The following VAPA variants were observed in gnomAD, a reference collection of about 807,000 sequenced individuals.
VAPA encodes VAMP associated protein A.
Under a neutral mutation model 25.6 loss-of-function variants are expected in VAPA, and 6 were observed. The observed-to-expected ratio is 0.23, with a 90% CI of 0.13 to 0.46. VAPA has a LOEUF of 0.46. VAPA is among the 20% of genes least tolerant of loss of function. VAPA has a pLI of 0.99. For synonymous variants in VAPA, 112 were observed against 106.2 expected (o/e 1.05, Z -0.34); for missense variants, 244 against 302.1 (o/e 0.81, Z 1.43).
At chr18:9,944,306 A>G (rs192546031) in intron 4 of VAPA, among the ~76,000 whole-genome samples, 2 of 152,230 alleles carry the variant, frequency 1.3e-5, no homozygotes, top group African/African-American at 4.8e-5. Context: ...AGACAGAACA[A>G]ATGGGGTATC....
chr18:9,936,169 C>T lies in VAPA; in HGVS notation c.292C>T (p.Gln98Ter). The T allele has an allele frequency of 6.2e-7, 1 of 1,607,076 alleles. No homozygotes were observed. The highest frequency in any genetic ancestry group is 8.5e-7 in the Non-Finnish European group (1 of 1,176,684). The change falls in exon 3 of 6, where the codon CAG (glutamine) becomes TAG (stop). Residue 98 changes from glutamine to a stop codon, truncating the protein, a stop_gained. Transcript: ENST00000400000. LOFTEE classifies it high-confidence loss of function. ...AAAGAGTAAACACAAGTTTATGGTA[C>T]AGACAATTTTTGCTCCACCAAACAC... ...NEKSKHKFMVQTIFAPPNTSD... is the reference protein window; with the variant it reads ...NEKSKHKFMV
intron 1 of VAPA, among the ~76,000 whole-genome samples, chr18:9,917,524 G>C (rs978603477): frequency 2.5e-4 from 38 of 152,222 alleles, no homozygotes; most frequent in African/African-American, 8.9e-4. Flanking sequence ...CAGGTGATCC[G>C]CCTGCCTTGG....
At chr18:9,925,815 T>C (rs995417022) in intron 1 of VAPA, among the ~76,000 whole-genome samples, 3 of 152,172 alleles carry the variant, frequency 2.0e-5, no homozygotes, top group Non-Finnish European at 4.4e-5. Flanking sequence ...AAATACAATA[T>C]CAATTTAAAA....
At chr18:9,930,385 T>A (rs2069241688) in intron 1 of VAPA, among the ~76,000 whole-genome samples, 1 of 152,134 alleles carries the variant, frequency 6.6e-6, no homozygotes, top group Non-Finnish European at 1.5e-5. Context: ...GCGTTTGTAG[T>A]AATTATGGGT....
intron 4 of VAPA, among the ~76,000 whole-genome samples, chr18:9,943,327 A>G (rs190984594): frequency 5.3e-5 from 8 of 152,340 alleles, no homozygotes; most frequent in Admixed American, 2.6e-4. Flanking sequence ...AAACTTAGGA[A>G]CCCTTTCATT....
intron 1 of VAPA, among the ~76,000 whole-genome samples, chr18:9,928,767 C>T (rs900044391): frequency 2.0e-5 from 3 of 152,016 alleles, no homozygotes; most frequent in Admixed American, 6.6e-5. Context: ...AATGTTTGGG[C>T]GTGACTACAC....
At chr18:9,931,096 G>A (rs1052764943) in intron 1 of VAPA, among the ~76,000 whole-genome samples, 4 of 152,054 alleles carry the variant, frequency 2.6e-5, no homozygotes, top group African/African-American at 9.7e-5. Flanking sequence ...TAGAACTGTG[G>A]TTATTGTTCC....
intron 2 of VAPA, among the ~76,000 whole-genome samples, chr18:9,934,406 A>T (rs763553731): frequency 1.9e-4 from 29 of 152,176 alleles, no homozygotes; most frequent in Admixed American, 1.8e-3. Flanking sequence ...TTAGCTTATA[A>T]TCATTAACTC....
intron 1 of VAPA, among the ~76,000 whole-genome samples, chr18:9,929,284 C>A (rs778328261): frequency 3.9e-5 from 6 of 152,044 alleles, no homozygotes; most frequent in Non-Finnish European, 7.4e-5. Context: ...GAATGTCTAC[C>A]GTCCTGTTTC....
chr18:9,942,184 T>C (rs1182633475), intron 4 of VAPA, among the ~76,000 whole-genome samples: 1 of 152,186 alleles, frequency 6.6e-6, no homozygotes, highest in Non-Finnish European at 1.5e-5. Context: ...CCTTTATTTT[T>C]TGTTTTAATA....
At chr18:9,927,195 T>C (rs576729616) in intron 1 of VAPA, among the ~76,000 whole-genome samples, 179 of 152,276 alleles carry the variant, frequency 1.2e-3, no homozygotes, top group African/African-American at 4.1e-3. Flanking sequence ...TAAGTGGATG[T>C]CTGGACAGGG....
At chr18:9,915,993 T>A (rs915389441) in intron 1 of VAPA, among the ~76,000 whole-genome samples, 3 of 152,272 alleles carry the variant, frequency 2.0e-5, no homozygotes, top group Admixed American at 6.5e-5. Flanking sequence ...TGTTTTTTTT[T>A]AATATTTCGT....
At chr18:9,943,794 C>G (rs2069389720) in intron 4 of VAPA, among the ~76,000 whole-genome samples, 1 of 138,814 alleles carries the variant, frequency 7.2e-6, no homozygotes, top group African/African-American at 2.6e-5. Context: ...AAATGTATTG[C>G]ATTTCATTTA....
Position 9,958,691 on chromosome 18 carries a change from T to C in VAPA, c.*4480T>C, listed in dbSNP as rs552670749. 1 of 152,316 alleles carries C rather than the reference T, an allele frequency of 6.6e-6. No homozygotes were observed. Among genetic ancestry groups the C allele is most frequent in the East Asian group, 1.9e-4 (1 of 5,184 alleles). 9.4% of individuals were successfully genotyped at this position (152,316 alleles called of 1,614,324 possible). A position where few individuals can be genotyped will look rare whatever the true frequency, so the allele number is the denominator to read the frequency against. ...GAAGTAGATTTAATTAAGACTTGACTTCAGCAATACAGGGGAACTTAAAAT... is the reference window on the plus strand; with the variant it reads ...GAAGTAGATTTAATTAAGACTTGACCTCAGCAATACAGGGGAACTTAAAAT... On this transcript the variant is annotated 3_prime_UTR_variant, in exon 6 of 6. Coordinates refer to ENST00000400000, the MANE Select transcript of VAPA (RefSeq NM_194434.3).
At chr18:9,947,942 ATAAAT>A (rs1382662028) in intron 4 of VAPA, 1 of 152,192 alleles carries the variant, frequency 6.6e-6, no homozygotes, top group African/African-American at 2.4e-5. Context: ...GTATATGTAA[ATAAAT>A]TAGATTTTCT....
chr18:9,951,915 C>G (rs2069494110), intron 5 of VAPA, among the ~76,000 whole-genome samples: 1 of 152,210 alleles, frequency 6.6e-6, no homozygotes, highest in South Asian at 2.1e-4. Flanking sequence ...TGCTTCCAAG[C>G]ACTTGTCTGG....
rs76760094 is a variant in VAPA, at chr18:9,926,639, A to T, written c.80-5171A>T. On this transcript the variant is annotated intron_variant, in intron 1 of 5. Coordinates refer to ENST00000400000, the MANE Select transcript of VAPA (RefSeq NM_194434.3). ...AGGTGTTCGGGTAGATGCTACTCAC[A>T]TAGTGAGTTTGCATCATAACTAGAA... Among the ~76,000 whole-genome samples the T allele has an allele frequency of 7.3e-3, 1,104 of 152,268 alleles. 15 individuals are homozygous for T. Among genetic ancestry groups the T allele is most frequent in the African/African-American group, 0.025 (1,059 of 41,554 alleles).
intron 4 of VAPA, among the ~76,000 whole-genome samples, chr18:9,946,136 T>G (rs905108771): frequency 6.6e-6 from 1 of 152,228 alleles, no homozygotes; most frequent in East Asian, 1.9e-4. Context: ...ATATTAGAAC[T>G]GAAATTCTGA....
At chr18:9,929,845 G>A (rs185409987) in intron 1 of VAPA, among the ~76,000 whole-genome samples, 5 of 152,218 alleles carry the variant, frequency 3.3e-5, no homozygotes, top group Admixed American at 2.0e-4. Context: ...CGTTTTACTC[G>A]CAAGTTAACA....
Sources: gnomAD v4.1 joint callset for allele counts (sites outside exome capture counted in the v4.1 genomes callset) on GRCh38, gnomAD v4.1.1 for gene constraint, MANE v1.5 for transcripts, NCBI Gene and HGNC (gene_info 2026-07-23, HGNC 2026-07-21) for gene names.